Variants in FGGY observed in about 807,000 individuals in gnomAD.
FGGY encodes FGGY carbohydrate kinase domain containing, also known as FGGY carbohydrate kinase domain-containing protein.
A neutral mutation model predicts 71.3 loss-of-function variants in FGGY; 72 were observed. The observed-to-expected ratio is 1.01, with a 90% CI of 0.84 to 1.23. The LOEUF (loss-of-function observed/expected upper bound fraction) is 1.23. Ranked by LOEUF, FGGY falls within the 50% of genes most tolerant of loss-of-function variation. FGGY has a pLI of 0.00. For missense variants in FGGY, 668 were observed against 682.3 expected, an observed-to-expected ratio of 0.98 and a Z score of 0.23; for synonymous variants, 251 against 250.3, an observed-to-expected ratio of 1.00 and a Z score of -0.02.
chr1:59,598,460 A>G (rs1212609361), intron 8 of FGGY, among the ~76,000 whole-genome samples: 1 of 152,238 alleles, frequency 6.6e-6, no homozygotes, highest in Non-Finnish European at 1.5e-5. Flanking sequence ...AGGAGTCCAG[A>G]ATACTTTGCA....
chr1:59,340,210 T>G, intron 3 of FGGY, 141 bp downstream of exon 3: 1 of 631,086 alleles, frequency 1.6e-6, no homozygotes, highest in African/African-American at 1.8e-5. Context: ...CAGATCATGT[T>G]GCAGAAGTCA....
chr1:59,437,390 T>A (rs561189530), intron 5 of FGGY, among the ~76,000 whole-genome samples: 54 of 152,370 alleles, frequency 3.5e-4, no homozygotes, highest in Admixed American at 8.5e-4. Context: ...GGCCAGGCAC[T>A]GCGCTAAGCA....
chr1:59,654,503 T>C (rs1466604049), intron 11 of FGGY, among the ~76,000 whole-genome samples: 3 of 152,374 alleles, frequency 2.0e-5, no homozygotes, highest in Admixed American at 6.5e-5. Flanking sequence ...TTGTCTTTTG[T>C]AATCTTTTGA....
chr1:59,446,953 A>T (rs1301487901), intron 5 of FGGY, among the ~76,000 whole-genome samples: 46 of 152,196 alleles, frequency 3.0e-4, no homozygotes, highest in Admixed American at 3.0e-3. Context: ...GGAACTCAGC[A>T]GGCATGTGCT....
intron 1 of FGGY, among the ~76,000 whole-genome samples, chr1:59,299,575 G>T (rs1274121954): frequency 6.6e-6 from 1 of 152,058 alleles, no homozygotes. Context: ...AAGGTTCAGT[G>T]CCACAAAAGA....
intron 5 of FGGY, among the ~76,000 whole-genome samples, chr1:59,390,053 G>T: frequency 6.6e-6 from 1 of 152,044 alleles, no homozygotes; most frequent in East Asian, 1.9e-4. Context: ...CAGAACAGTG[G>T]TATTTAAAGC....
chr1:59,589,538 T>C (rs1407497392), intron 8 of FGGY, among the ~76,000 whole-genome samples: 1 of 152,178 alleles, frequency 6.6e-6, no homozygotes, highest in African/African-American at 2.4e-5. Flanking sequence ...TAGTTGGAAG[T>C]AAAGCTCTCC....
intron 5 of FGGY, among the ~76,000 whole-genome samples, chr1:59,386,701 C>G (rs2060113323): frequency 6.6e-6 from 1 of 151,936 alleles, no homozygotes; most frequent in Non-Finnish European, 1.5e-5. Flanking sequence ...CTCAGTTCAC[C>G]TTTTTTATGG....
chr1:59,302,518 A>G (rs570232236), intron 1 of FGGY, among the ~76,000 whole-genome samples: 9 of 152,260 alleles, frequency 5.9e-5, no homozygotes, highest in African/African-American at 2.2e-4. Context: ...AGCAGCATGG[A>G]TGGAGCAAGC....
chr1:59,669,903 T>A (rs1182418570), intron 13 of FGGY, among the ~76,000 whole-genome samples: 1 of 152,198 alleles, frequency 6.6e-6, no homozygotes, highest in Non-Finnish European at 1.5e-5. Flanking sequence ...CCTACATCCC[T>A]GGGCTGACTC....
At chr1:59,750,303 T>G (rs962757430) in intron 14 of FGGY, among the ~76,000 whole-genome samples, 1 of 151,128 alleles carries the variant, frequency 6.6e-6, no homozygotes. Flanking sequence ...GTCTAAAAAT[T>G]TTTTTTTCTC....
chr1:59,347,203 G>A (rs1288035734), intron 4 of FGGY, among the ~76,000 whole-genome samples: 5 of 150,442 alleles, frequency 3.3e-5, no homozygotes, highest in African/African-American at 7.3e-5. Context: ...CCATTAACTC[G>A]TCATTTAACA....
intron 14 of FGGY, among the ~76,000 whole-genome samples, chr1:59,724,813 T>G (rs796160915): frequency 9.2e-5 from 14 of 152,346 alleles, no homozygotes; most frequent in African/African-American, 3.4e-4. Context: ...TTTGCTTACT[T>G]TTTCACTACA....
chr1:59,518,100 T>C, intron 7 of FGGY, among the ~76,000 whole-genome samples: 1 of 152,256 alleles, frequency 6.6e-6, no homozygotes, highest in East Asian at 1.9e-4. Flanking sequence ...CTGGGCCAGA[T>C]ATTGAATTGG....
intron 14 of FGGY, among the ~76,000 whole-genome samples, chr1:59,688,187 G>T (rs2097560455): frequency 6.6e-6 from 1 of 152,196 alleles, no homozygotes; most frequent in Non-Finnish European, 1.5e-5. Context: ...TAGTCAGAAG[G>T]AATAGGAACT....
chr1:59,469,001 TCAA>T (rs2092798929), intron 6 of FGGY, among the ~76,000 whole-genome samples: 2 of 151,576 alleles, frequency 1.3e-5, no homozygotes, highest in African/African-American at 4.8e-5. Context: ...TCACACTGAA[TCAA>T]AGTTCAGGGA....
intron 14 of FGGY, among the ~76,000 whole-genome samples, chr1:59,725,650 C>T (rs1376747857): frequency 6.6e-6 from 1 of 150,666 alleles, no homozygotes; most frequent in African/African-American, 2.4e-5. Flanking sequence ...TTTTTTGCAG[C>T]ATGCTATTTT....
intron 14 of FGGY, among the ~76,000 whole-genome samples, chr1:59,738,204 A>T (rs1029921841): frequency 2.0e-5 from 3 of 152,228 alleles, no homozygotes; most frequent in African/African-American, 4.8e-5. Context: ...AGCTGCAAAC[A>T]CAAAGAAGCA....
intron 1 of FGGY, among the ~76,000 whole-genome samples, chr1:59,302,089 G>T (rs555848641): frequency 6.6e-5 from 10 of 150,464 alleles, no homozygotes; most frequent in East Asian, 5.8e-4. Flanking sequence ...ACATTTATTG[G>T]TTTTTTTTTC....
Sources: gnomAD v4.1 joint callset for allele counts (sites outside exome capture counted in the v4.1 genomes callset) on GRCh38, gnomAD v4.1.1 for gene constraint, MANE v1.5 for transcripts, NCBI Gene and HGNC (gene_info 2026-07-23, HGNC 2026-07-21) for gene names.